The following MRPS35 variants were observed in gnomAD, a reference collection of about 807,000 sequenced individuals.
MRPS35 encodes the protein mitochondrial ribosomal protein S35.
Under a neutral mutation model 32.7 loss-of-function variants are expected in MRPS35, and 29 were observed. The observed-to-expected ratio is 0.89, with a 90% confidence interval of 0.66 to 1.21. MRPS35 has a LOEUF of 1.21. Ranked by LOEUF, MRPS35 falls within the 50% of genes most tolerant of loss-of-function variation. The probability of loss-of-function intolerance (pLI) is 0.00; values close to 1 mark genes in which losing one functional copy is unlikely to be tolerated. For synonymous variants in MRPS35, 148 were observed against 139.3 expected (o/e 1.06, Z -0.44); for missense variants, 373 against 383.8 (o/e 0.97, Z 0.23).
chr12:27,736,148 A>C (rs1302878657), intron 6 of MRPS35, among the ~76,000 whole-genome samples: 4 of 152,344 alleles, frequency 2.6e-5, no homozygotes, highest in African/African-American at 9.6e-5. Flanking sequence ...AATTATGTCA[A>C]AATATAAAAA....
chr12:27,735,393 TCACTAAACA>T, intron 5 of MRPS35, 45 bp from the exon 6 acceptor site: 1 of 1,349,572 alleles, frequency 7.4e-7, no homozygotes, highest in Admixed American at 2.2e-5. Flanking sequence ...TACCTTTTTT[TCACTAAACA>T]ATTATATGAA....
At chr12:27,739,960 A>T in intron 7 of MRPS35, among the ~76,000 whole-genome samples, 1 of 152,246 alleles carries the variant, frequency 6.6e-6, no homozygotes, top group African/African-American at 2.4e-5. Flanking sequence ...AAGTAGCCAC[A>T]TACAACTGTC....
intron 4 of MRPS35, 146 bp from the exon 5 acceptor site, chr12:27,723,901 A>G: frequency 4.4e-6 from 3 of 678,788 alleles, no homozygotes; most frequent in Non-Finnish European, 7.0e-6. Flanking sequence ...ATAAGGGATG[A>G]TGCTATATAT....
At chr12:27,738,461 GTC>G (rs1285417481) in intron 7 of MRPS35, among the ~76,000 whole-genome samples, 4 of 152,246 alleles carry the variant, frequency 2.6e-5, no homozygotes, top group African/African-American at 7.2e-5. Flanking sequence ...AAATACTCGA[GTC>G]TGAATTTAGA....
rs756361941 is a variant in MRPS35 at position 27,710,837 on chromosome 12, C to T, written c.-7C>T. On this transcript the variant is annotated 5_prime_UTR_variant, in exon 1 of 8. Transcript: ENST00000081029. ...CTTGTCCCCTCCGGCTTGCCGTCCT[C>T]GCAGCCATGGCGGCCGCCGCGCTCC... 3 of 1,602,502 alleles carry T rather than the reference C, an allele frequency of 1.9e-6. No individual in the cohort carries two copies. Among genetic ancestry groups the T allele is most frequent in the East Asian group, 2.2e-5 (1 of 44,692 alleles).
intron 7 of MRPS35, among the ~76,000 whole-genome samples, chr12:27,745,325 T>C (rs2140780187): frequency 6.6e-6 from 1 of 152,306 alleles, no homozygotes; most frequent in South Asian, 2.1e-4. Flanking sequence ...GTTACAGAGC[T>C]TTTTAGTGGA....
At position 27,716,558 on chromosome 12, in the gene MRPS35, A is replaced by T. The variant is rs568565750; in HGVS notation, c.321+100A>T. 1.8e-4 allele frequency: 200 copies of T among 1,113,344 alleles called. 1 individual carries two copies. In the African/African-American group the frequency reaches 2.9e-3, roughly 16 times the overall value. 69.0% of individuals were successfully genotyped at this position (1,113,344 alleles called of 1,614,324 possible). A position where few individuals can be genotyped will look rare whatever the true frequency, so the allele number is the denominator to read the frequency against. ...TCTTATGCTTCACCGTTCAGTGTAT[A>T]GCAGCTTAGTGTATTTTAATTTAAA... is the stretch of plus-strand genomic sequence containing the variant. On this transcript the variant is annotated intron_variant, in intron 3 of 7. Transcript: ENST00000081029.
At chr12:27,735,302 T>A (rs2140771646) in intron 5 of MRPS35, 145 bp from the exon 6 acceptor site, 1 of 566,676 alleles carries the variant, frequency 1.8e-6, no homozygotes, top group East Asian at 3.2e-5. Context: ...TTATAATATG[T>A]CCCAACTGCT....
intron 7 of MRPS35, among the ~76,000 whole-genome samples, chr12:27,747,824 AAAAG>A (rs762972514): frequency 6.6e-6 from 1 of 152,212 alleles, no homozygotes; most frequent in Non-Finnish European, 1.5e-5. Flanking sequence ...CAAGGAAAAA[AAAAG>A]AGGTTCAAGT....
intron 7 of MRPS35, among the ~76,000 whole-genome samples, chr12:27,742,927 G>A (rs1330769146): frequency 6.6e-6 from 1 of 151,966 alleles, no homozygotes; most frequent in Non-Finnish European, 1.5e-5. Flanking sequence ...AGCAATCATA[G>A]CTCACTGCAT....
chr12:27,756,247 C>A lies in MRPS35; in HGVS notation c.*797C>A, dbSNP rs377538609. ...ACCTGTCAGCTGTTTCTTACCACTT[C>A]GATGGTTGTGATTAATTTAAAATCA... On this transcript the variant is annotated 3_prime_UTR_variant, in exon 8 of 8. Transcript: ENST00000081029. 2.6e-5 allele frequency: 4 copies of A among 152,168 alleles called. No individual in the cohort carries two copies. The highest frequency in any genetic ancestry group is 9.7e-5 in the African/African-American group (4 of 41,434). 9.4% of individuals were successfully genotyped at this position (152,168 alleles called of 1,614,324 possible).
At chr12:27,727,005 G>GGCT (rs1232592740) in intron 5 of MRPS35, among the ~76,000 whole-genome samples, 1 of 134,916 alleles carries the variant, frequency 7.4e-6, no homozygotes, top group African/African-American at 2.8e-5. Context: ...CTGTCACCCA[G>GGCT]GCTGGAGTGC....
At chr12:27,722,743 C>T (rs957989163) in intron 4 of MRPS35, among the ~76,000 whole-genome samples, 1 of 152,066 alleles carries the variant, frequency 6.6e-6, no homozygotes, top group Admixed American at 6.6e-5. Flanking sequence ...CCCCTCAAAA[C>T]GACCGGGTAT....
intron 3 of MRPS35, among the ~76,000 whole-genome samples, chr12:27,717,987 C>G (rs1327423882): frequency 6.6e-6 from 1 of 152,114 alleles, no homozygotes; most frequent in Admixed American, 6.5e-5. Flanking sequence ...AAAAGTCTAT[C>G]ACTCTGATCT....
intron 7 of MRPS35, among the ~76,000 whole-genome samples, chr12:27,745,042 G>A (rs1038471417): frequency 2.0e-5 from 3 of 152,076 alleles, no homozygotes; most frequent in African/African-American, 2.4e-5. Flanking sequence ...TGCAGACTCT[G>A]CCTCCCAGGC....
chr12:27,729,464 T>C (rs1412763088), intron 5 of MRPS35, among the ~76,000 whole-genome samples: 2 of 152,178 alleles, frequency 1.3e-5, no homozygotes, highest in Admixed American at 1.3e-4. Context: ...ATAAAATTTC[T>C]GAAGTCATAT....
At position 27,735,569 on chromosome 12, in the gene MRPS35, A is replaced by G; in HGVS notation, c.632+13A>G. 1 of 1,585,600 alleles carries G rather than the reference A, an allele frequency of 6.3e-7. No homozygotes were observed. The highest frequency in any genetic ancestry group is 8.6e-7 in the Non-Finnish European group (1 of 1,157,012). ...TCAAAACAGATAGGTAATGGAAAAA[A>G]TGTTCAGCCGACTGGTCACGTGTGT... is the stretch of plus-strand genomic sequence containing the variant. On this transcript the variant is annotated intron_variant, in intron 6 of 7. Transcript: ENST00000081029.
Position 27,716,458 on chromosome 12 carries a change from G to A in MRPS35, c.321G>A (p.Lys107=). 1 of 1,613,894 alleles carries A rather than the reference G, an allele frequency of 6.2e-7. No homozygotes were observed. Among genetic ancestry groups the A allele is most frequent in the Non-Finnish European group, 8.5e-7 (1 of 1,179,968 alleles). Residue 107 remains lysine, a splice_region_variant and synonymous_variant, in exon 3 of 8, where the codon AAG becomes AAA. Coordinates refer to ENST00000081029, the MANE Select transcript of MRPS35 (RefSeq NM_021821.4). ...AGGAGGGAAATCTAGAACTTTTAAA[G>A]GTAAGACAAATTGCTGATTCATTGG... ...MAKEGNLELL[K]IPNFLHLTPV...
intron 7 of MRPS35, among the ~76,000 whole-genome samples, chr12:27,740,518 C>T (rs1231620181): frequency 6.6e-6 from 1 of 152,164 alleles, no homozygotes; most frequent in Admixed American, 6.5e-5. Context: ...AATCCATTCA[C>T]CTTGGCCTCC....
Sources: allele counts gnomAD v4.1 joint callset (sites outside exome capture counted in the v4.1 genomes callset), GRCh38; gene constraint gnomAD v4.1.1; transcripts MANE v1.5; gene names NCBI Gene and HGNC (gene_info 2026-07-23, HGNC 2026-07-21).